Variants in CDC5L observed in about 807,000 individuals in gnomAD.
The protein encoded by CDC5L is cell division cycle 5 like.
In CDC5L, 18 loss-of-function variants were observed where a neutral mutation model predicts 104.1. The ratio of observed to expected loss-of-function variants is 0.17; its 90% confidence interval spans 0.12 to 0.26. CDC5L has a LOEUF of 0.26. Ranked by LOEUF, CDC5L falls within the 10% of genes least tolerant of loss-of-function variation. The pLI is 1.00. For synonymous variants in CDC5L, 331 were observed against 322.7 expected, an observed-to-expected ratio of 1.03 and a Z score of -0.28; for missense variants, 673 against 956.9, an observed-to-expected ratio of 0.70 and a Z score of 3.91.
intron 14 of CDC5L, among the ~76,000 whole-genome samples, chr6:44,437,332 A>G (rs1000953822): frequency 6.6e-6 from 1 of 152,160 alleles, no homozygotes; most frequent in Non-Finnish European, 1.5e-5. Flanking sequence ...CAAAGCATGC[A>G]GATACCCTCC....
intron 15 of CDC5L, among the ~76,000 whole-genome samples, chr6:44,446,168 A>G (rs1204107884): frequency 2.0e-5 from 3 of 152,176 alleles, no homozygotes; most frequent in Non-Finnish European, 4.4e-5. Flanking sequence ...ATTGCATCCC[A>G]TTCATGTAGC....
chr6:44,394,593 C>T (rs534011509), intron 4 of CDC5L, among the ~76,000 whole-genome samples: 52 of 152,002 alleles, frequency 3.4e-4, no homozygotes, highest in African/African-American at 1.2e-3. Flanking sequence ...TGGTGGCTCA[C>T]GCCTGTAATC....
chr6:44,439,991 T>C (rs1459625765), intron 14 of CDC5L, among the ~76,000 whole-genome samples: 1 of 152,208 alleles, frequency 6.6e-6, no homozygotes, highest in African/African-American at 2.4e-5. Flanking sequence ...AGGAGACATA[T>C]AATCATTGCC....
At chr6:44,443,398 CA>C (rs1340168597) in intron 14 of CDC5L, among the ~76,000 whole-genome samples, 2 of 151,828 alleles carry the variant, frequency 1.3e-5, no homozygotes, top group African/African-American at 4.8e-5. Context: ...TTTCCTTCCC[CA>C]GCCTTGGGAA....
intron 5 of CDC5L, among the ~76,000 whole-genome samples, chr6:44,403,523 TC>T (rs1400460218): frequency 6.6e-6 from 1 of 152,182 alleles, no homozygotes; most frequent in Non-Finnish European, 1.5e-5. Context: ...TTGATTTTTT[TC>T]ATTTGCCATT....
chr6:44,424,846 C>T (rs1792348784), intron 11 of CDC5L, among the ~76,000 whole-genome samples: 1 of 152,076 alleles, frequency 6.6e-6, no homozygotes, highest in Non-Finnish European at 1.5e-5. Context: ...CTCTAAAATA[C>T]ACATAGGTAG....
chr6:44,442,606 G>A (rs1447266052), intron 14 of CDC5L, among the ~76,000 whole-genome samples: 2 of 151,776 alleles, frequency 1.3e-5, no homozygotes, highest in Non-Finnish European at 2.9e-5. Flanking sequence ...CCCATATTTT[G>A]TATTTCTGAT....
intron 8 of CDC5L, among the ~76,000 whole-genome samples, chr6:44,412,781 C>CTTTTTTTT (rs397950082): frequency 9.4e-6 from 1 of 106,590 alleles, no homozygotes; most frequent in African/African-American, 3.8e-5. Flanking sequence ...AGAATAATTT[C>CTTTTTTTT]TTTTTTTTTT....
chr6:44,438,683 TTTTTA>T (rs1255898232), intron 14 of CDC5L, among the ~76,000 whole-genome samples: 5 of 147,530 alleles, frequency 3.4e-5, no homozygotes, highest in African/African-American at 5.0e-5. Flanking sequence ...TTTTTTTTTT[TTTTTA>T]AACTCTAACT....
At chr6:44,398,522 C>G (rs1317677340) in intron 5 of CDC5L, among the ~76,000 whole-genome samples, 2 of 152,156 alleles carry the variant, frequency 1.3e-5, no homozygotes, top group Admixed American at 1.3e-4. Flanking sequence ...GCTGGAATGG[C>G]CTCTATGCAA....
intron 6 of CDC5L, among the ~76,000 whole-genome samples, chr6:44,406,076 A>G (rs1489786835): frequency 6.6e-6 from 1 of 151,762 alleles, no homozygotes; most frequent in Admixed American, 6.6e-5. Flanking sequence ...TAATTTTTGT[A>G]TTTTTAGTAG....
intron 5 of CDC5L, 110 bp from the exon 6 acceptor site, chr6:44,403,699 A>G (rs1260790226): frequency 1.6e-5 from 12 of 752,662 alleles, no homozygotes; most frequent in Non-Finnish European, 2.3e-5. Flanking sequence ...TAAGGATTTA[A>G]ATAACTATTT....
intron 4 of CDC5L, among the ~76,000 whole-genome samples, chr6:44,394,017 A>G (rs548335877): frequency 6.6e-6 from 1 of 152,278 alleles, no homozygotes; most frequent in East Asian, 1.9e-4. Flanking sequence ...AAATATGTCC[A>G]GTGTTTTCTG....
At chr6:44,439,766 C>G (rs1793096198) in intron 14 of CDC5L, among the ~76,000 whole-genome samples, 1 of 152,220 alleles carries the variant, frequency 6.6e-6, no homozygotes, top group African/African-American at 2.4e-5. Context: ...AGGCACTGGA[C>G]AGCTGAGGCT....
In CDC5L at chr6:44,403,976, A is replaced by C. The variant is rs762748890; in HGVS notation, c.707A>C (p.Asp236Ala). 38 of 1,613,212 alleles carry C rather than the reference A, an allele frequency of 2.4e-5. No homozygotes were observed. Among genetic ancestry groups the C allele is most frequent in the Admixed American group, 1.8e-4 (11 of 59,886 alleles). The change falls in exon 6 of 16, where the codon GAC (aspartate) becomes GCC (alanine). Residue 236 changes from aspartate to alanine, a missense_variant. Coordinates refer to ENST00000371477, the MANE Select transcript of CDC5L (RefSeq NM_001253.4). ...TCTGAGGAAAACTACCAAGCTCTTG[A>C]CGCAGATTTCAGGAAATTAAGACAA... ...DTSEENYQAL[D>A]ADFRKLRQQD...
At chr6:44,435,477 A>G (rs1018695716) in intron 14 of CDC5L, among the ~76,000 whole-genome samples, 21 of 151,946 alleles carry the variant, frequency 1.4e-4, no homozygotes, top group Non-Finnish European at 2.8e-4. Flanking sequence ...ACATGTGTCT[A>G]GAATAATTTA....
chr6:44,440,825 A>C (rs1196546992), intron 14 of CDC5L, among the ~76,000 whole-genome samples: 1 of 149,438 alleles, frequency 6.7e-6, no homozygotes, highest in African/African-American at 2.5e-5. Flanking sequence ...CTCCCACCTC[A>C]GCCTCTGGAG....
In CDC5L at chr6:44,449,839, G is replaced by A. The variant is rs899809491; in HGVS notation, c.*3128G>A. The A allele has an allele frequency of 2.6e-5, 4 of 151,456 alleles. No individual in the cohort carries two copies. Among genetic ancestry groups the A allele is most frequent in the African/African-American group, 7.3e-5 (3 of 41,320 alleles). The allele number at this position is 151,456 out of a possible 1,614,324, so 9.4% of individuals were successfully genotyped here. The stretch of plus-strand genomic sequence containing the variant: ...AGGAAATTTACATTTTTACATTAGT[G>A]AGATTGGTCTTTTGGGCTATTGTAC... On this transcript the variant is annotated 3_prime_UTR_variant, in exon 16 of 16. Coordinates refer to ENST00000371477, the MANE Select transcript of CDC5L (RefSeq NM_001253.4).
At chr6:44,436,365 A>G (rs1792938413) in intron 14 of CDC5L, among the ~76,000 whole-genome samples, 1 of 152,128 alleles carries the variant, frequency 6.6e-6, no homozygotes, top group South Asian at 2.1e-4. Context: ...TAGGAGAGAG[A>G]TTGTTGTACT....
Sources: gnomAD v4.1 joint callset for allele counts (sites outside exome capture counted in the v4.1 genomes callset) on GRCh38, gnomAD v4.1.1 for gene constraint, MANE v1.5 for transcripts, NCBI Gene and HGNC (gene_info 2026-07-23, HGNC 2026-07-21) for gene names.